Variants in NSMCE2 observed in about 807,000 individuals in gnomAD.
NSMCE2 encodes NSE2 SUMO ligase component of SMC5/6 complex.
Under a neutral mutation model 23.8 loss-of-function variants are expected in NSMCE2, and 24 were observed. That is an observed-to-expected ratio of 1.01 (90% confidence interval 0.73 to 1.42). The LOEUF (loss-of-function observed/expected upper bound fraction) is 1.42. NSMCE2 is among the 40% of genes most tolerant of loss of function. NSMCE2 has a pLI of 0.00. For synonymous variants in NSMCE2, 92 were observed against 94.1 expected (o/e 0.98, Z 0.13); for missense variants, 284 against 296.5 (o/e 0.96, Z 0.31).
intron 5 of NSMCE2, among the ~76,000 whole-genome samples, chr8:125,196,170 C>T (rs565062449): frequency 4.6e-5 from 7 of 151,224 alleles, no homozygotes; most frequent in Non-Finnish European, 1.0e-4. Context: ...AGGCATCAGC[C>T]ACCAAGTGCA....
At position 125,132,498 on chromosome 8, in the gene NSMCE2, GGT is replaced by G. The variant is rs956356803; in HGVS notation, c.158-18672_158-18671del. 1.1e-3 allele frequency among the ~76,000 whole-genome samples: 150 copies of G among 139,496 alleles called. 2 individuals are homozygous for G. The East Asian group carries it at 0.03, about 27-fold the overall frequency. 91.5% of individuals were successfully genotyped at this position (139,496 alleles called of 152,430 possible). A position where few individuals can be genotyped will look rare whatever the true frequency, so the allele number is the denominator to read the frequency against. ...AATTTTTAAATTAAAAAAAAATTTTGGTTTTTTTTTTTGAGACAGGATCTCAT... is the reference window on the plus strand; with the variant it reads ...AATTTTTAAATTAAAAAAAAATTTTGTTTTTTTTTTGAGACAGGATCTCAT... On this transcript the variant is annotated intron_variant, in intron 3 of 7. Coordinates refer to ENST00000287437, the MANE Select transcript of NSMCE2 (RefSeq NM_173685.4).
chr8:125,337,396 G>T (rs1830092363), intron 5 of NSMCE2, among the ~76,000 whole-genome samples: 1 of 152,282 alleles, frequency 6.6e-6, no homozygotes, highest in East Asian at 1.9e-4. Context: ...CAGAATGTTA[G>T]TAATAACCAC....
intron 3 of NSMCE2, among the ~76,000 whole-genome samples, chr8:125,134,722 C>CTTTTTT (rs34284298): frequency 1.7e-5 from 2 of 117,730 alleles, no homozygotes; most frequent in African/African-American, 6.5e-5. Context: ...TAACGGATTC[C>CTTTTTT]TTTTTTTTTT....
intron 7 of NSMCE2, among the ~76,000 whole-genome samples, chr8:125,359,900 G>T (rs1434235141): frequency 6.6e-6 from 1 of 152,114 alleles, no homozygotes; most frequent in South Asian, 2.1e-4. Flanking sequence ...AGTTTAGGAA[G>T]TTACTCCAAT....
intron 7 of NSMCE2, among the ~76,000 whole-genome samples, chr8:125,365,630 T>TG (rs929790709): frequency 1.3e-5 from 2 of 151,686 alleles, no homozygotes; most frequent in African/African-American, 4.8e-5. Flanking sequence ...CCGAGGCAGG[T>TG]GGATCACTTG....
At chr8:125,315,411 A>C (rs1024179034) in intron 5 of NSMCE2, among the ~76,000 whole-genome samples, 2 of 152,246 alleles carry the variant, frequency 1.3e-5, no homozygotes, top group African/African-American at 4.8e-5. Context: ...TGAGTCAGAC[A>C]GACCTGCTTT....
chr8:125,249,199 G>A (rs1326508608), intron 5 of NSMCE2, among the ~76,000 whole-genome samples: 1 of 151,866 alleles, frequency 6.6e-6, no homozygotes, highest in Non-Finnish European at 1.5e-5. Flanking sequence ...GCAGAGCCAT[G>A]AGTGAAATTC....
intron 5 of NSMCE2, among the ~76,000 whole-genome samples, chr8:125,253,089 C>T (rs1010789429): frequency 5.3e-5 from 8 of 152,182 alleles, no homozygotes; most frequent in African/African-American, 1.9e-4. Flanking sequence ...TCATGATTTC[C>T]GATTGGAAAG....
At chr8:125,297,815 CAG>C (rs1828387938) in intron 5 of NSMCE2, among the ~76,000 whole-genome samples, 1 of 149,740 alleles carries the variant, frequency 6.7e-6, no homozygotes, top group African/African-American at 2.5e-5. Flanking sequence ...AGCCCATCAA[CAG>C]AGTGAGACTC....
At chr8:125,256,985 G>A (rs1826459369) in intron 5 of NSMCE2, among the ~76,000 whole-genome samples, 1 of 135,040 alleles carries the variant, frequency 7.4e-6, no homozygotes, top group Non-Finnish European at 1.5e-5. Flanking sequence ...AACTCTGGGA[G>A]CACCCTGACA....
chr8:125,231,344 G>A (rs952902614), intron 5 of NSMCE2, among the ~76,000 whole-genome samples: 4 of 152,174 alleles, frequency 2.6e-5, no homozygotes, highest in African/African-American at 9.7e-5. Context: ...TGAGTTCACA[G>A]TCTATTGTTC....
At chr8:125,219,361 T>C (rs1371587744) in intron 5 of NSMCE2, among the ~76,000 whole-genome samples, 1 of 152,204 alleles carries the variant, frequency 6.6e-6, no homozygotes, top group Non-Finnish European at 1.5e-5. Context: ...ACTTGTTTTC[T>C]TGTTGGGCTA....
intron 5 of NSMCE2, among the ~76,000 whole-genome samples, chr8:125,354,286 G>A (rs1203024720): frequency 2.0e-5 from 3 of 152,134 alleles, no homozygotes; most frequent in African/African-American, 7.2e-5. Flanking sequence ...GAAATAGGTT[G>A]GCTACCAGTA....
chr8:125,262,862 T>A lies in NSMCE2; in HGVS notation c.418+80606T>A, dbSNP rs574916629. 2.6e-5 allele frequency among the ~76,000 whole-genome samples: 4 copies of A among 152,272 alleles called. No individual in the cohort carries two copies. The East Asian group carries it at 7.7e-4, about 29-fold the overall frequency. ...TTGAAAGAGCTTTGGAAGTCCCAGG[T>A]GTTATATAAAGCAAGTAGTATTCTT... On this transcript the variant is annotated intron_variant, in intron 5 of 7. Coordinates refer to ENST00000287437, the MANE Select transcript of NSMCE2 (RefSeq NM_173685.4).
intron 7 of NSMCE2, 92 bp downstream of exon 7, chr8:125,357,910 T>C: frequency 2.4e-6 from 2 of 843,322 alleles, no homozygotes; most frequent in Non-Finnish European, 4.0e-6. Context: ...CACTTCAATG[T>C]CTCTTCTAAA....
At chr8:125,343,172 C>T (rs1293159482) in intron 5 of NSMCE2, among the ~76,000 whole-genome samples, 5 of 152,094 alleles carry the variant, frequency 3.3e-5, no homozygotes, top group South Asian at 2.1e-4. Context: ...TGATTAGATT[C>T]GGGGTCAGTG....
At chr8:125,305,455 G>A (rs935660574) in intron 5 of NSMCE2, among the ~76,000 whole-genome samples, 2 of 152,160 alleles carry the variant, frequency 1.3e-5, no homozygotes, top group Non-Finnish European at 2.9e-5. Flanking sequence ...GGGACAAGAG[G>A]CTGAAGAGAA....
chr8:125,228,609 A>G (rs975604884), intron 5 of NSMCE2, among the ~76,000 whole-genome samples: 4 of 152,196 alleles, frequency 2.6e-5, no homozygotes, highest in Non-Finnish European at 5.9e-5. Context: ...GGCTGAGAGT[A>G]TAGTACATTC....
At chr8:125,224,541 A>G (rs1180873614) in intron 5 of NSMCE2, among the ~76,000 whole-genome samples, 1 of 152,208 alleles carries the variant, frequency 6.6e-6, no homozygotes, top group Admixed American at 6.5e-5. Flanking sequence ...TTTTCCCAAC[A>G]TTATTTATTG....
Sources: gnomAD v4.1 joint callset for allele counts (sites outside exome capture counted in the v4.1 genomes callset) on GRCh38, gnomAD v4.1.1 for gene constraint, MANE v1.5 for transcripts, NCBI Gene and HGNC (gene_info 2026-07-23, HGNC 2026-07-21) for gene names.